Variants in MAGEB10 observed in about 807,000 individuals in gnomAD.
MAGEB10 encodes melanoma-associated antigen B10.
For missense variants in MAGEB10, 190 were observed against 261.9 expected, an observed-to-expected ratio of 0.73 and a Z score of 1.89; for synonymous variants, 99 against 101.0, an observed-to-expected ratio of 0.98 and a Z score of 0.12.
At chrX:27,810,292 G>A (rs1164800931) in intron 1 of MAGEB10, among the ~76,000 whole-genome samples, 5 of 111,737 alleles carry the variant, frequency 4.5e-5, no homozygotes, top group African/African-American at 6.5e-5. Context: ...GTGAGACCAC[G>A]AACCCACCAG....
At position 27,821,242 on chromosome X, in the gene MAGEB10, A is replaced by ATCTTCTC; in HGVS notation, c.-49-14_-49-8dup. The ATCTTCTC allele has an allele frequency of 9.0e-6, 9 of 995,729 alleles. No individual in the cohort carries two copies. In the South Asian group the frequency reaches 1.1e-4, roughly 12 times the overall value. 82.1% of individuals were successfully genotyped at this position (995,729 alleles called of 1,213,427 possible). A position where few individuals can be genotyped will look rare whatever the true frequency, so the allele number is the denominator to read the frequency against. The stretch of plus-strand genomic sequence containing the variant: ...CTGCTGAATGGGCACACCCCATTTC[A>ATCTTCTC]TCTTCTCTTCTCCAGGTCACGGGAT... On this transcript the variant is annotated splice_polypyrimidine_tract_variant and intron_variant, in intron 2 of 2. Transcript: ENST00000356790.
At chrX:27,819,039 A>T (rs1204888634) in intron 2 of MAGEB10, among the ~76,000 whole-genome samples, 1 of 110,890 alleles carries the variant, frequency 9.0e-6, no homozygotes, top group Non-Finnish European at 1.9e-5. Flanking sequence ...TCCATAACAG[A>T]CTGCTCAGCA....
rs753750963 is a variant in MAGEB10, at chrX:27,821,793, A to C, written c.487A>C (p.Ile163Leu). The change falls in exon 3 of 3, where the codon ATC becomes CTC. Residue 163 changes from isoleucine (I) to leucine (L), a missense_variant. By Grantham distance (5) the Ile-to-Leu change is conservative. Coordinates refer to ENST00000356790, the MANE Select transcript of MAGEB10 (RefSeq NM_182506.3). ...CAGAGCTTCTGAGCACCTGGAGCTG[A>C]TCTTTGGTCTTGACCTGAAGGAAGT... ...LSRASEHLEL[I>L]FGLDLKEVEP... is the part of the protein sequence containing the mutation. 2 of 1,211,865 alleles carry C rather than the reference A, an allele frequency of 1.7e-6. No homozygotes were observed. The highest frequency in any genetic ancestry group is 2.2e-6 in the Non-Finnish European group (2 of 895,582).
chrX:27,822,286 G>GCA lies in MAGEB10; in HGVS notation c.981_982insAC (p.Val328ThrfsTer24). Reference sequence around the variant, plus strand: ...AGAGCCAGAGTTGCAGCCAAGGCTCGCGTTAGTGCCACAGCCGGTGCACGT... The same window carrying GCA: ...AGAGCCAGAGTTGCAGCCAAGGCTCGCACGTTAGTGCCACAGCCGGTGCACGT... On this transcript the variant is annotated frameshift_variant, in exon 3 of 3. Coordinates refer to ENST00000356790, the MANE Select transcript of MAGEB10 (RefSeq NM_182506.3). LOFTEE classifies it low-confidence loss of function (END_TRUNC). 8.3e-7 allele frequency: 1 copy of GCA among 1,211,631 alleles called. No individual in the cohort carries two copies. Among genetic ancestry groups the GCA allele is most frequent in the African/African-American group, 1.7e-5 (1 of 57,858 alleles).
intron 1 of MAGEB10, among the ~76,000 whole-genome samples, chrX:27,813,736 G>C (rs1397140711): frequency 8.9e-6 from 1 of 111,948 alleles, no homozygotes; most frequent in Non-Finnish European, 1.9e-5. Flanking sequence ...TCTGGATAGT[G>C]GGTTGGTTGA....
At chrX:27,814,079 T>TA (rs1343045334) in intron 1 of MAGEB10, among the ~76,000 whole-genome samples, 3 of 111,334 alleles carry the variant, frequency 2.7e-5, no homozygotes, top group East Asian at 2.8e-4. Flanking sequence ...AAAGGGCTTT[T>TA]AAAAAAACTT....
intron 1 of MAGEB10, chrX:27,812,736 A>T (rs1416886302): frequency 5.4e-6 from 2 of 371,120 alleles, no homozygotes; most frequent in African/African-American, 5.1e-5. Flanking sequence ...AACCAGCAAG[A>T]TGAAAGTCCT....
At chrX:27,811,013 G>C (rs1200176297) in intron 1 of MAGEB10, among the ~76,000 whole-genome samples, 1 of 101,284 alleles carries the variant, frequency 9.9e-6, no homozygotes, top group Admixed American at 1.1e-4. Context: ...GCATACTCTG[G>C]GATATCAAGT....
At chrX:27,809,867 T>A (rs1023436580) in intron 1 of MAGEB10, among the ~76,000 whole-genome samples, 3 of 107,278 alleles carry the variant, frequency 2.8e-5, no homozygotes, top group Non-Finnish European at 5.8e-5. Flanking sequence ...GCACCCTGTG[T>A]CTAGCTCAAG....
intron 1 of MAGEB10, among the ~76,000 whole-genome samples, chrX:27,810,046 A>G (rs760722893): frequency 9.0e-6 from 1 of 111,026 alleles, no homozygotes; most frequent in African/African-American, 3.3e-5. Flanking sequence ...AGATCAGACC[A>G]CTCAGCTCTC....
Position 27,816,533 on chromosome X carries a change from A to T in MAGEB10, c.-198-1021A>T, listed in dbSNP as rs145785323. 1.2e-3 allele frequency among the ~76,000 whole-genome samples: 134 copies of T among 111,844 alleles called. No homozygotes were observed. In the East Asian group the frequency reaches 0.031, roughly 26 times the overall value. Reference sequence around the variant, plus strand: ...TGTTCATCAGGTGGTGGGTAGCAGGACTCACAAGTTACGTTTTTAACAATA... The same window carrying T: ...TGTTCATCAGGTGGTGGGTAGCAGGTCTCACAAGTTACGTTTTTAACAATA... On this transcript the variant is annotated intron_variant, in intron 1 of 2. Coordinates refer to ENST00000356790, the MANE Select transcript of MAGEB10 (RefSeq NM_182506.3).
intron 1 of MAGEB10, chrX:27,812,391 G>C (rs1923708409): frequency 7.7e-6 from 1 of 129,887 alleles, no homozygotes; most frequent in South Asian, 2.0e-4. Context: ...CGTGAGAGAA[G>C]TGGATCCCAA....
chrX:27,821,022 C>G (rs1462819143), intron 2 of MAGEB10, among the ~76,000 whole-genome samples: 1 of 111,498 alleles, frequency 9.0e-6, no homozygotes, highest in African/African-American at 3.3e-5. Context: ...AAAGCCTGGA[C>G]CTGCCAGGCC....
chrX:27,813,165 G>A (rs1442879914), intron 1 of MAGEB10, among the ~76,000 whole-genome samples: 1 of 111,707 alleles, frequency 9.0e-6, no homozygotes, highest in African/African-American at 3.3e-5. Flanking sequence ...CTATTTTATA[G>A]AAAAAAATGG....
intron 1 of MAGEB10, among the ~76,000 whole-genome samples, chrX:27,816,233 T>G (rs1307443737): frequency 9.0e-6 from 1 of 111,202 alleles, no homozygotes; most frequent in Admixed American, 9.7e-5. Flanking sequence ...TCAGGTCGGT[T>G]TCATAATTTT....
intron 2 of MAGEB10, among the ~76,000 whole-genome samples, chrX:27,819,137 G>T (rs1333180803): frequency 9.0e-6 from 1 of 111,059 alleles, no homozygotes; most frequent in Non-Finnish European, 1.9e-5. Flanking sequence ...TGTAGTCCAG[G>T]GATATGGGAC....
At chrX:27,818,821 G>A (rs891048279) in intron 2 of MAGEB10, among the ~76,000 whole-genome samples, 1 of 111,599 alleles carries the variant, frequency 9.0e-6, no homozygotes, top group Admixed American at 9.5e-5. Flanking sequence ...GACTTGATTC[G>A]AATCAACTGA....
chrX:27,815,246 T>C (rs892050328), intron 1 of MAGEB10, among the ~76,000 whole-genome samples: 1 of 112,465 alleles, frequency 8.9e-6, no homozygotes, highest in African/African-American at 3.2e-5. Context: ...CCAGAATAAC[T>C]TTCCTTCCTT....
chrX:27,814,062 T>C (rs777342097), intron 1 of MAGEB10, among the ~76,000 whole-genome samples: 12 of 111,485 alleles, frequency 1.1e-4, no homozygotes, highest in Admixed American at 7.6e-4. Flanking sequence ...CTAAACCCAC[T>C]TAATTAAAAG....
Sources: allele counts gnomAD v4.1 joint callset (sites outside exome capture counted in the v4.1 genomes callset), GRCh38; gene constraint gnomAD v4.1.1; transcripts MANE v1.5; gene names NCBI Gene and HGNC (gene_info 2026-07-23, HGNC 2026-07-21).